The following NOMO3 variants were observed in gnomAD, a reference collection of about 807,000 sequenced individuals.
The protein encoded by NOMO3 is NODAL modulator 3, also known as BOS complex subunit NOMO3.
Under a neutral mutation model 69.9 loss-of-function variants are expected in NOMO3, and 15 were observed. The observed-to-expected ratio is 0.21, with a 90% CI of 0.14 to 0.33. The LOEUF is 0.33. NOMO3 is among the 10% of genes least tolerant of loss of function. The pLI, the probability that NOMO3 is intolerant of heterozygous loss-of-function variation, is 1.00. For missense variants in NOMO3, 218 were observed against 761.0 expected (o/e 0.29, Z 8.39); for synonymous variants, 89 against 301.9 (o/e 0.29, Z 7.31).
chr16:16,243,826 T>C (rs1403692292), intron 4 of NOMO3, among the ~76,000 whole-genome samples: 2 of 142,240 alleles, frequency 1.4e-5, no homozygotes, highest in East Asian at 2.3e-4. Flanking sequence ...ACCCAGCCGC[T>C]GTTAGCGTTT....
rs200524541 is a variant in NOMO3 at position 16,261,614 on chromosome 16, G to A, written c.1333G>A (p.Val445Met). 1.9e-4 allele frequency: 295 copies of A among 1,586,436 alleles called. 49 individuals carry two copies. The African/African-American group carries it at 3.2e-3, about 17-fold the overall frequency. ...SQDKDKSLVT[V>M]ETDAHGSFCF... ...AGACAAGGACAAGTCTTTGGTCACC[G>A]TGGAGACAGATGCTCATGGATCATT... Residue 445 changes from valine (V) to methionine (M), a missense_variant, in exon 12 of 31, where the codon GTG becomes ATG. Transcript: ENST00000399336.
intron 2 of NOMO3, among the ~76,000 whole-genome samples, chr16:16,237,914 A>G (rs144295206): frequency 2.0e-3 from 282 of 141,852 alleles, no homozygotes; most frequent in African/African-American, 7.8e-3. Context: ...TCAGATATCC[A>G]CGGGTACACA....
chr16:16,263,089 G>A lies in NOMO3; in HGVS notation c.1411G>A (p.Ala471Thr), dbSNP rs1236254883. 1 of 1,595,412 alleles carries A rather than the reference G, an allele frequency of 6.3e-7. No individual in the cohort carries two copies. Among genetic ancestry groups the A allele is most frequent in the South Asian group, 1.1e-5 (1 of 89,590 alleles). Residue 471 changes from alanine to threonine, a missense_variant, in exon 13 of 31, where the codon GCA becomes ACA. Coordinates refer to ENST00000399336, the MANE Select transcript of NOMO3 (RefSeq NM_001004067.4). ...GTTTCCGCAGGTGATGGTTCCTGAG[G>A]CAGAAACCAGAGCAGGGCTGACGTT... ...TYKVQVMVPE[A>T]ETRAGLTLKP...
At chr16:16,263,423 A>C in intron 13 of NOMO3, 90 bp from the exon 14 acceptor site, 3 of 1,322,468 alleles carry the variant, frequency 2.3e-6, no homozygotes, top group Non-Finnish European at 3.1e-6. Context: ...GCTCAGCAGT[A>C]GCAAGAAGCT....
Position 16,263,155 on chromosome 16 carries a change from G to T in NOMO3, c.1477G>T (p.Val493Leu). 1 of 1,590,442 alleles carries T rather than the reference G, an allele frequency of 6.3e-7. No individual in the cohort carries two copies. Residue 493 changes from valine to leucine, a missense_variant, in exon 13 of 31, where the codon GTG becomes TTG. By Grantham distance (32) the Val-to-Leu change is conservative (BLOSUM62 1). Coordinates refer to ENST00000399336, the MANE Select transcript of NOMO3 (RefSeq NM_001004067.4). ...TCCTCTTACTGTGACCGACAGGCCT[G>T]TGATGGATGTGGCCTTTGTACAGTT... is the stretch of plus-strand genomic sequence containing the variant. ...TFPLTVTDRP[V>L]MDVAFVQFLA... is the part of the protein sequence containing the mutation.
intron 15 of NOMO3, chr16:16,266,654 C>G: frequency 2.5e-6 from 1 of 406,000 alleles, no homozygotes; most frequent in Non-Finnish European, 4.5e-6. Context: ...AAAGACCCCT[C>G]GGTGGGGATT....
Position 16,265,042 on chromosome 16 carries a change from G to A in NOMO3, c.1670-1G>A. The A allele has an allele frequency of 6.5e-7, 1 of 1,548,268 alleles. No homozygotes were observed. The highest frequency in any genetic ancestry group is 1.2e-5 in the South Asian group (1 of 86,476). On this transcript the variant is annotated splice_acceptor_variant, in intron 14 of 30. Transcript: ENST00000399336. LOFTEE classifies it high-confidence loss of function. ...TCCGTTTTTGGTGTTTGCTTTTGCA[G>A]TAAGCATCATGCATGAGGATTGGTG...
chr16:16,256,421 G>A (rs1439394028), intron 11 of NOMO3, among the ~76,000 whole-genome samples: 1 of 91,852 alleles, frequency 1.1e-5, no homozygotes, highest in Non-Finnish European at 1.9e-5. Flanking sequence ...GACTACAGGC[G>A]TGCCCCACCA....
chr16:16,240,981 G>T (rs1293485495), intron 3 of NOMO3, among the ~76,000 whole-genome samples: 1 of 144,794 alleles, frequency 6.9e-6, no homozygotes, highest in Non-Finnish European at 1.5e-5. Flanking sequence ...GCCTGGAGGA[G>T]TGTTGTGTTT....
At chr16:16,243,547 T>A (rs576733886) in intron 4 of NOMO3, among the ~76,000 whole-genome samples, 1 of 143,006 alleles carries the variant, frequency 7.0e-6, no homozygotes, top group South Asian at 2.2e-4. Flanking sequence ...CTTCCTCTAT[T>A]GCCCAGGCTG....
Position 16,263,181 on chromosome 16 carries a change from C to G in NOMO3, c.1503C>G (p.Phe501Leu). ...TGATGGATGTGGCCTTTGTACAGTT[C>G]TTGGCATCAGTTTCTGGGAAAGTCT... ...RPVMDVAFVQ[F>L]LASVSGKVSC... The change falls in exon 13 of 31, where the codon TTC (phenylalanine) becomes TTG (leucine). Residue 501 changes from phenylalanine to leucine, a missense_variant. Phe to Leu is a conservative substitution (Grantham distance 22). Coordinates refer to ENST00000399336, the MANE Select transcript of NOMO3 (RefSeq NM_001004067.4). 6.3e-7 allele frequency: 1 copy of G among 1,592,812 alleles called. No homozygotes were observed. The highest frequency in any genetic ancestry group is 8.5e-7 in the Non-Finnish European group (1 of 1,176,644).
At position 16,259,312 on chromosome 16, in the gene NOMO3, GC is replaced by G. The variant is rs2141256868; in HGVS notation, c.1221-2188del. On this transcript the variant is annotated intron_variant, in intron 11 of 30. Coordinates refer to ENST00000399336, the MANE Select transcript of NOMO3 (RefSeq NM_001004067.4). ...TTTAATTGGCCGATGTAGTACATTT[GC>G]CTTTTTAGCACACTGATACTTCTTA... 1.4e-5 allele frequency among the ~76,000 whole-genome samples: 2 copies of G among 144,078 alleles called. 1 individual carries two copies. The highest frequency in any genetic ancestry group is 4.5e-4 in the East Asian group (2 of 4,460). The allele number at this position is 144,078 out of a possible 152,430, so 94.5% of individuals were successfully genotyped here. A position where few individuals can be genotyped will look rare whatever the true frequency, so the allele number is the denominator to read the frequency against.
In NOMO3 at chr16:16,260,604, C is replaced by A. The variant is rs1458624487; in HGVS notation, c.1221-898C>A. On this transcript the variant is annotated intron_variant, in intron 11 of 30. Coordinates refer to ENST00000399336, the MANE Select transcript of NOMO3 (RefSeq NM_001004067.4). Reference sequence around the variant, plus strand: ...TGGTGGTTCCAACATTTAATGTACCCCTAATTGTCAGAATCCAACATTCTT... The same window carrying A: ...TGGTGGTTCCAACATTTAATGTACCACTAATTGTCAGAATCCAACATTCTT... Among the ~76,000 whole-genome samples, 14 of 142,446 alleles carry A rather than the reference C, an allele frequency of 9.8e-5. 1 individual carries two copies. The highest frequency in any genetic ancestry group is 4.1e-4 in the Admixed American group (6 of 14,728). 93.5% of individuals were successfully genotyped at this position (142,446 alleles called of 152,430 possible).
rs535454475 is a variant in NOMO3 at position 16,249,890 on chromosome 16, G to A, written c.583-1038G>A. Among the ~76,000 whole-genome samples, 89 of 142,852 alleles carry A rather than the reference G, an allele frequency of 6.2e-4. 7 individuals are homozygous for A. The highest frequency in any genetic ancestry group is 2.3e-3 in the African/African-American group (80 of 34,832). The allele number at this position is 142,852 out of a possible 152,430, so 93.7% of individuals were successfully genotyped here. A position where few individuals can be genotyped will look rare whatever the true frequency, so the allele number is the denominator to read the frequency against. Reference sequence around the variant, plus strand: ...GCTTAGAATCTGTACACTTTTCTCTGTGTTTATTGTACCTTAACAAAAATG... The same window carrying A: ...GCTTAGAATCTGTACACTTTTCTCTATGTTTATTGTACCTTAACAAAAATG... On this transcript the variant is annotated intron_variant, in intron 6 of 30. Coordinates refer to ENST00000399336, the MANE Select transcript of NOMO3 (RefSeq NM_001004067.4).
intron 1 of NOMO3, chr16:16,235,981 C>T (rs1426587492): frequency 6.0e-6 from 2 of 333,148 alleles, no homozygotes; most frequent in Admixed American, 7.2e-5. Flanking sequence ...ATTTGGGCAT[C>T]TTACTGGGTT....
chr16:16,265,520 C>T (rs1202663390), intron 15 of NOMO3, among the ~76,000 whole-genome samples: 7 of 134,180 alleles, frequency 5.2e-5, no homozygotes, highest in South Asian at 2.4e-4. Context: ...CAGTTTTCAC[C>T]GAAAATTGAG....
rs1433056147 is a variant in NOMO3, at chr16:16,259,441, C to T, written c.1221-2061C>T. Among the ~76,000 whole-genome samples the T allele has an allele frequency of 1.0e-4, 14 of 139,580 alleles. 2 individuals carry two copies. The highest frequency in any genetic ancestry group is 3.4e-3 in the Middle Eastern group (1 of 290). 91.6% of individuals were successfully genotyped at this position (139,580 alleles called of 152,430 possible). On this transcript the variant is annotated intron_variant, in intron 11 of 30. Transcript: ENST00000399336. ...TCGGCTCACTGCAGCCTCCGCCTCT[C>T]GGGTTCAAGTGATTCTCCTGCCCCA...
chr16:16,265,347 C>G, intron 15 of NOMO3, 168 bp downstream of exon 15: 2 of 1,170,008 alleles, frequency 1.7e-6, no homozygotes, highest in South Asian at 3.0e-5. Flanking sequence ...CATTTATACT[C>G]TCTCAGTGGA....
At position 16,263,099 on chromosome 16, in the gene NOMO3, G is replaced by A. The variant is rs570712085; in HGVS notation, c.1421G>A (p.Arg474Lys). The A allele has an allele frequency of 7.5e-6, 12 of 1,594,824 alleles. 1 individual carries two copies. In the South Asian group the frequency reaches 1.3e-4, roughly 18 times the overall value. The change falls in exon 13 of 31, where the codon AGA becomes AAA. Residue 474 changes from arginine (R) to lysine (K), a missense_variant. By Grantham distance (26) the Arg-to-Lys change is conservative. Transcript: ENST00000399336. ...GTGATGGTTCCTGAGGCAGAAACCA[G>A]AGCAGGGCTGACGTTGAAACCCCAG... The part of the protein sequence containing the change: ...VQVMVPEAET[R>K]AGLTLKPQTF...
Sources: allele counts gnomAD v4.1 joint callset (sites outside exome capture counted in the v4.1 genomes callset), GRCh38; gene constraint gnomAD v4.1.1; transcripts MANE v1.5; gene names NCBI Gene and HGNC (gene_info 2026-07-23, HGNC 2026-07-21).